The following TM9SF4 variants were observed in gnomAD, a reference collection of about 807,000 sequenced individuals.
TM9SF4 encodes dinucleotide oxidase disulfide thiol exchanger 3 superfamily member 4.
In TM9SF4, 26 loss-of-function variants were observed where a neutral mutation model predicts 90.4. The observed-to-expected ratio is 0.29, with a 90% CI of 0.21 to 0.40. TM9SF4 has a LOEUF of 0.40. Ranked by LOEUF, TM9SF4 falls within the 10% of genes least tolerant of loss-of-function variation. TM9SF4 has a pLI of 1.00. For missense variants in TM9SF4, 549 were observed against 834.8 expected (o/e 0.66, Z 4.22); for synonymous variants, 293 against 315.4 (o/e 0.93, Z 0.75).
chr20:32,112,693 CA>C (rs11406793), intron 1 of TM9SF4, among the ~76,000 whole-genome samples: 118 of 121,646 alleles, frequency 9.7e-4, no homozygotes, highest in South Asian at 1.3e-3. Context: ...GACCCTATCT[CA>C]AAAAAAAAAA....
rs2046827148 is a variant in TM9SF4 at position 32,150,550 on chromosome 20, G to A, written c.1088-72G>A. The stretch of plus-strand genomic sequence containing the variant: ...CCTGTCCAAGGTGGGCCTGGGGCTG[G>A]GGCTGGGGCTAGAGGCCTGGTGATC... On this transcript the variant is annotated intron_variant, in intron 10 of 17. Transcript: ENST00000398022. 1.9e-6 allele frequency: 3 copies of A among 1,590,256 alleles called. No individual in the cohort carries two copies. In the Admixed American group the frequency reaches 5.0e-5, roughly 27 times the overall value.
Position 32,146,834 on chromosome 20 carries a change from C to T in TM9SF4, c.933C>T (p.Asn311=). The change falls in exon 9 of 18, where the codon AAC becomes AAT. Residue 311 remains asparagine, a synonymous_variant. Transcript: ENST00000398022. ...GGACCCTCCGGAAGGACATTGCCAA[C>T]TACAACAAGGAGGATGACATTGTAC... ...IIRTLRKDIA[N]YNKEDDIEDT... 6.2e-7 allele frequency: 1 copy of T among 1,613,978 alleles called. No homozygotes were observed. The highest frequency in any genetic ancestry group is 1.3e-5 in the African/African-American group (1 of 75,010).
chr20:32,138,858 G>A (rs1291376748), intron 3 of TM9SF4, among the ~76,000 whole-genome samples: 1 of 152,240 alleles, frequency 6.6e-6, no homozygotes, highest in Non-Finnish European at 1.5e-5. Context: ...AAATGGTATA[G>A]AGGAAAGAGG....
At position 32,150,547 on chromosome 20, in the gene TM9SF4, C is replaced by T. The variant is rs545361974; in HGVS notation, c.1088-75C>T. On this transcript the variant is annotated intron_variant, in intron 10 of 17. Transcript: ENST00000398022. ...CAGCCTGTCCAAGGTGGGCCTGGGGCTGGGGCTGGGGCTAGAGGCCTGGTG... is the reference window on the plus strand; with the variant it reads ...CAGCCTGTCCAAGGTGGGCCTGGGGTTGGGGCTGGGGCTAGAGGCCTGGTG... 6.3e-6 allele frequency: 10 copies of T among 1,581,474 alleles called. No individual in the cohort carries two copies. In the East Asian group the frequency reaches 1.8e-4, roughly 28 times the overall value.
At position 32,163,245 on chromosome 20, in the gene TM9SF4, C is replaced by CA. The variant is rs67827616; in HGVS notation, c.1779+1904dup. On this transcript the variant is annotated intron_variant, in intron 17 of 17. Coordinates refer to ENST00000398022, the MANE Select transcript of TM9SF4 (RefSeq NM_014742.4). ...TGGGTGACAGAGCAAGACTCCATCTCAAAAAAAAAAAAAAAAAAAAAAAAT... is the reference window on the plus strand; with the variant it reads ...TGGGTGACAGAGCAAGACTCCATCTCAAAAAAAAAAAAAAAAAAAAAAAAAT... 1.5e-3 allele frequency among the ~76,000 whole-genome samples: 63 copies of CA among 41,004 alleles called. 1 individual carries two copies. The highest frequency in any genetic ancestry group is 3.4e-3 in the South Asian group (3 of 872). The allele number at this position is 41,004 out of a possible 152,430, so 26.9% of individuals were successfully genotyped here.
At chr20:32,125,032 G>A (rs761337917) in intron 1 of TM9SF4, among the ~76,000 whole-genome samples, 1 of 152,132 alleles carries the variant, frequency 6.6e-6, no homozygotes, top group Non-Finnish European at 1.5e-5. Flanking sequence ...TTCAAGGGAG[G>A]TCATGAGACC....
chr20:32,117,000 G>A (rs1011046949), intron 1 of TM9SF4, among the ~76,000 whole-genome samples: 6 of 150,396 alleles, frequency 4.0e-5, no homozygotes, highest in African/African-American at 1.2e-4. Context: ...GGTCGGAGTG[G>A]GTCATTTGAG....
intron 3 of TM9SF4, among the ~76,000 whole-genome samples, chr20:32,137,650 T>C (rs1482022122): frequency 1.3e-5 from 2 of 152,198 alleles, no homozygotes; most frequent in Non-Finnish European, 2.9e-5. Context: ...CGATAATTGT[T>C]AGTGTTCTAC....
chr20:32,158,598 C>A, intron 15 of TM9SF4, 84 bp downstream of exon 15: 1 of 1,434,788 alleles, frequency 7.0e-7, no homozygotes, highest in Non-Finnish European at 9.8e-7. Flanking sequence ...TGCCTACTGC[C>A]TGAGAAAGTT....
chr20:32,132,431 C>T (rs2046533457), intron 1 of TM9SF4, among the ~76,000 whole-genome samples: 1 of 151,790 alleles, frequency 6.6e-6, no homozygotes, highest in East Asian at 1.9e-4. Context: ...GTGCAGGTGC[C>T]TGTGGGAAGG....
chr20:32,145,112 G>C lies in TM9SF4; in HGVS notation c.674G>C (p.Ser225Thr). 6.2e-7 allele frequency: 1 copy of C among 1,614,176 alleles called. No individual in the cohort carries two copies. Among genetic ancestry groups the C allele is most frequent in the Non-Finnish European group, 8.5e-7 (1 of 1,180,040 alleles). Residue 225 changes from serine to threonine, a missense_variant, in exon 7 of 18, where the codon AGT (serine) becomes ACT (threonine). Physicochemically the swap from Ser to Thr is moderately conservative, Grantham distance 58. This residue lies in a region of TM9SF4 where 495 missense variants were observed against 711.7 expected (regional missense o/e 0.70). Transcript: ENST00000398022. Reference protein sequence around the residue: ...RLEDLKADEKSSCTLPEGTNS... With the variant: ...RLEDLKADEKTSCTLPEGTNS... Reference sequence around the variant, plus strand: ...TCAGACCTCAAAGCAGATGAGAAGAGTTCGTGCACTCTGCCTGAGGGTACC... The same window carrying C: ...TCAGACCTCAAAGCAGATGAGAAGACTTCGTGCACTCTGCCTGAGGGTACC...
intron 6 of TM9SF4, 91 bp from the exon 7 acceptor site, chr20:32,145,000 C>A (rs904902799): frequency 2.4e-6 from 3 of 1,232,366 alleles, no homozygotes; most frequent in African/African-American, 3.0e-5. Context: ...TGGGTCTCCG[C>A]GACAGGCAGC....
At chr20:32,121,826 G>C (rs1368875785) in intron 1 of TM9SF4, among the ~76,000 whole-genome samples, 3 of 149,302 alleles carry the variant, frequency 2.0e-5, no homozygotes, top group East Asian at 2.0e-4. Context: ...CTGGCCGGGC[G>C]GGGGGCTGAA....
chr20:32,128,959 C>T (rs1345545591), intron 1 of TM9SF4, among the ~76,000 whole-genome samples: 3 of 152,016 alleles, frequency 2.0e-5, no homozygotes, highest in Non-Finnish European at 4.4e-5. Context: ...TTACTCTAAC[C>T]TCAGTGTTCA....
chr20:32,154,513 G>T (rs190452231), intron 12 of TM9SF4, among the ~76,000 whole-genome samples: 30 of 152,126 alleles, frequency 2.0e-4, no homozygotes, highest in African/African-American at 7.0e-4. Context: ...GAGTGCAGTG[G>T]CACGATCTCT....
At chr20:32,123,866 A>ATATATATATATTTTTTTTTTTT in intron 1 of TM9SF4, among the ~76,000 whole-genome samples, 47 of 93,938 alleles carry the variant, frequency 5.0e-4, no homozygotes, top group South Asian at 3.4e-3. Context: ...ATATATATAT[A>ATATATATATATTTTTTTTTTTT]TTTTTTTTTT....
At chr20:32,129,576 T>C (rs1272407150) in intron 1 of TM9SF4, among the ~76,000 whole-genome samples, 1 of 152,034 alleles carries the variant, frequency 6.6e-6, no homozygotes. Flanking sequence ...ACATTTGACA[T>C]TTTACTATTG....
chr20:32,142,272 G>A (rs1043111271), intron 5 of TM9SF4, among the ~76,000 whole-genome samples: 1 of 152,200 alleles, frequency 6.6e-6, no homozygotes, highest in Admixed American at 6.5e-5. Context: ...TTCCTTAGCT[G>A]TAAAATGTAT....
intron 17 of TM9SF4, among the ~76,000 whole-genome samples, chr20:32,163,013 C>T (rs113418252): frequency 1.3e-3 from 190 of 151,958 alleles, no homozygotes; most frequent in African/African-American, 4.4e-3. Flanking sequence ...TTCGGGAGGC[C>T]GAGGAGGGTG....
Sources: gnomAD v4.1 joint callset for allele counts (sites outside exome capture counted in the v4.1 genomes callset) on GRCh38, gnomAD v4.1.1 for gene constraint, gnomAD v4.1.1 regional missense constraint, MANE v1.5 for transcripts, NCBI Gene and HGNC (gene_info 2026-07-23, HGNC 2026-07-21) for gene names.